The following CNKSR3 variants were observed in gnomAD, a reference collection of about 807,000 sequenced individuals.
The protein encoded by CNKSR3 is CNKSR family member 3.
In CNKSR3, 36 loss-of-function variants were observed where a neutral mutation model predicts 67.7. The observed-to-expected ratio is 0.53, with a 90% CI of 0.41 to 0.70. The LOEUF (loss-of-function observed/expected upper bound fraction) is 0.70, where lower values mean the gene tolerates loss of function less well. Among genes scored for constraint, CNKSR3 ranks in the 30% least tolerant of loss-of-function variants. The pLI is 0.00. For synonymous variants in CNKSR3, 281 were observed against 271.4 expected (o/e 1.04, Z -0.35); for missense variants, 630 against 695.2 (o/e 0.91, Z 1.05).
chr6:154,463,484 C>G (rs1013936702), intron 1 of CNKSR3, among the ~76,000 whole-genome samples: 1 of 152,178 alleles, frequency 6.6e-6, no homozygotes, highest in South Asian at 2.1e-4. Context: ...AATCCTGCAG[C>G]CTGCAGTACG....
At chr6:154,422,885 G>C in intron 8 of CNKSR3, 30 bp downstream of exon 8, 2 of 1,541,274 alleles carry the variant, frequency 1.3e-6, no homozygotes, top group African/African-American at 1.4e-5. Context: ...GTTTTAAGGA[G>C]GAAAATTGAG....
chr6:154,420,453 G>A (rs1250196867), intron 9 of CNKSR3, among the ~76,000 whole-genome samples: 1 of 151,994 alleles, frequency 6.6e-6, no homozygotes, highest in Non-Finnish European at 1.5e-5. Context: ...ACTTTGGGAG[G>A]CCGAGGCGGG....
intron 9 of CNKSR3, among the ~76,000 whole-genome samples, chr6:154,421,984 ATTC>A (rs1338745703): frequency 7.5e-6 from 1 of 133,238 alleles, no homozygotes; most frequent in Non-Finnish European, 1.6e-5. Flanking sequence ...ATGTCATTTC[ATTC>A]TTTTTTTTTT....
In CNKSR3 at chr6:154,406,574, C is replaced by T. The variant is rs925966534; in HGVS notation, c.1448G>A (p.Arg483Gln). The T allele has an allele frequency of 3.1e-6, 5 of 1,614,088 alleles. No homozygotes were observed. Among genetic ancestry groups the T allele is most frequent in the South Asian group, 1.1e-5 (1 of 91,092 alleles). Residue 483 changes from arginine to glutamine, a missense_variant, in exon 13 of 13, where the codon CGG becomes CAG. This residue lies in a region of CNKSR3 where 308 missense variants were observed against 299.6 expected (regional missense o/e 1.03). Transcript: ENST00000607772. ...IIEESSSPPY[R>Q]FSRPTTERHL... ...CCGCTCGGTCGTGGGTCTGGAGAAC[C>T]GGTATGGGGGAGAGGAGCTCTCTTC... is the stretch of plus-strand genomic sequence containing the variant.
intron 2 of CNKSR3, among the ~76,000 whole-genome samples, chr6:154,449,646 G>A (rs561407775): frequency 6.6e-6 from 1 of 152,308 alleles, no homozygotes; most frequent in African/African-American, 2.4e-5. Flanking sequence ...TTTTCATTCA[G>A]GAGTATTTCC....
intron 1 of CNKSR3, among the ~76,000 whole-genome samples, chr6:154,487,063 C>T (rs1025865528): frequency 5.9e-5 from 9 of 152,176 alleles, no homozygotes; most frequent in Non-Finnish European, 1.3e-4. Flanking sequence ...AGGCACGTGC[C>T]ACCACACCCA....
Position 154,414,439 on chromosome 6 carries a change from C to T in CNKSR3, c.946-16G>A. 6.4e-7 allele frequency: 1 copy of T among 1,571,366 alleles called. No homozygotes were observed. ...GAGGTGAGGTCTGAAACAGGAGTAA[C>T]ACAGCAATGCAAAGAGTGGAGATCA... On this transcript the variant is annotated splice_polypyrimidine_tract_variant and intron_variant, in intron 9 of 12. Transcript: ENST00000607772.
At chr6:154,413,164 AC>A (rs1238982050) in intron 10 of CNKSR3, among the ~76,000 whole-genome samples, 87 of 152,026 alleles carry the variant, frequency 5.7e-4, no homozygotes, top group African/African-American at 1.9e-3. Flanking sequence ...ACACACACAC[AC>A]ACACACACAC....
At chr6:154,454,130 G>T (rs1418776997) in intron 1 of CNKSR3, among the ~76,000 whole-genome samples, 3 of 143,282 alleles carry the variant, frequency 2.1e-5, no homozygotes, top group African/African-American at 7.9e-5. Context: ...GAGAGAGAGA[G>T]AGAGAGAGAG....
rs968943630 is a variant in CNKSR3, at chr6:154,442,099, C to T, written c.408G>A (p.Ala136=). The T allele has an allele frequency of 4.4e-6, 7 of 1,606,974 alleles. No homozygotes were observed. Among genetic ancestry groups the T allele is most frequent in the Admixed American group, 1.7e-5 (1 of 59,788 alleles). The change falls in exon 3 of 13, where the codon GCG becomes GCA. Residue 136 remains alanine, a synonymous_variant. Coordinates refer to ENST00000607772, the MANE Select transcript of CNKSR3 (RefSeq NM_173515.4). ...ELIGAAKALL[A]WLDRAPFTGI... ...CATCTCCAACTTACCGGTCCAGCCA[C>T]GCCAGCAGGGCCTTGGCGGCGCCGA...
At chr6:154,409,414 T>C (rs779087770) in intron 12 of CNKSR3, among the ~76,000 whole-genome samples, 2 of 152,144 alleles carry the variant, frequency 1.3e-5, no homozygotes, top group African/African-American at 2.4e-5. Context: ...GGGACTTTGA[T>C]TACAGGGTGA....
At chr6:154,481,280 CTT>C (rs1020898259) in intron 1 of CNKSR3, among the ~76,000 whole-genome samples, 3 of 151,750 alleles carry the variant, frequency 2.0e-5, no homozygotes, top group East Asian at 1.9e-4. Context: ...TGATAGCAGT[CTT>C]ATGCTTATTT....
chr6:154,426,273 G>A (rs1404665791), intron 7 of CNKSR3, among the ~76,000 whole-genome samples: 2 of 152,014 alleles, frequency 1.3e-5, no homozygotes, highest in Non-Finnish European at 2.9e-5. Context: ...AGGAATTCAG[G>A]GAATATATCA....
At chr6:154,479,651 C>T (rs1461613008) in intron 1 of CNKSR3, among the ~76,000 whole-genome samples, 5 of 152,098 alleles carry the variant, frequency 3.3e-5, no homozygotes, top group East Asian at 1.9e-4. Context: ...CAATTCAAGA[C>T]GAGAATGTGC....
intron 1 of CNKSR3, among the ~76,000 whole-genome samples, chr6:154,482,189 G>T (rs549231962): frequency 6.6e-6 from 1 of 152,284 alleles, no homozygotes; most frequent in South Asian, 2.1e-4. Context: ...ATGCCTAAGG[G>T]ATCTCAGAGA....
chr6:154,448,678 C>T (rs1562337503), intron 2 of CNKSR3, among the ~76,000 whole-genome samples: 1 of 152,184 alleles, frequency 6.6e-6, no homozygotes, highest in Non-Finnish European at 1.5e-5. Flanking sequence ...TAGCGTCTCC[C>T]AGGCGGCAGC....
chr6:154,480,446 T>C (rs988441705), intron 1 of CNKSR3, among the ~76,000 whole-genome samples: 3 of 152,200 alleles, frequency 2.0e-5, no homozygotes, highest in Non-Finnish European at 4.4e-5. Context: ...TTCTGGTGTG[T>C]GTGACTTCCG....
At chr6:154,447,238 C>A (rs949376675) in intron 2 of CNKSR3, among the ~76,000 whole-genome samples, 5 of 152,096 alleles carry the variant, frequency 3.3e-5, no homozygotes, top group African/African-American at 4.8e-5. Flanking sequence ...TCTGTGCTGT[C>A]CAATATCGTA....
chr6:154,507,109 G>A (rs1354024079), intron 1 of CNKSR3, among the ~76,000 whole-genome samples: 1 of 152,190 alleles, frequency 6.6e-6, no homozygotes, highest in South Asian at 2.1e-4. Flanking sequence ...TATTAAATGA[G>A]CTGATATTTG....
Sources: gnomAD v4.1 joint callset for allele counts (sites outside exome capture counted in the v4.1 genomes callset) on GRCh38, gnomAD v4.1.1 for gene constraint, gnomAD v4.1.1 regional missense constraint, MANE v1.5 for transcripts, NCBI Gene and HGNC (gene_info 2026-07-23, HGNC 2026-07-21) for gene names.